Variants in COPG2 observed in about 807,000 individuals in gnomAD.
COPG2 encodes coatomer subunit gamma-2.
A neutral mutation model predicts 46.3 loss-of-function variants in COPG2; 37 were observed. The ratio of observed to expected loss-of-function variants is 0.80; its 90% CI spans 0.61 to 1.05. COPG2 has a LOEUF of 1.05. COPG2 is among the 50% of genes least tolerant of loss of function. The pLI, the probability that COPG2 is intolerant of heterozygous loss-of-function variation, is 0.00. For synonymous variants in COPG2, 159 were observed against 129.7 expected (o/e 1.23, Z -1.53); for missense variants, 427 against 387.8 (o/e 1.10, Z -0.85).
In COPG2 at chr7:130,544,255, A is replaced by G. The variant is rs1793392082; in HGVS notation, c.2149+3419T>C. ...CTTACTTAACTGAAGTTGTGTTTTT[A>G]GTACAGAATGCCAAGTTAATATGGT... On this transcript the variant is annotated intron_variant, in intron 20 of 23. Transcript: ENST00000425248. 2.0e-5 allele frequency among the ~76,000 whole-genome samples: 3 copies of G among 152,250 alleles called. No homozygotes were observed. In the South Asian group the frequency reaches 6.2e-4, roughly 31 times the overall value.
chr7:130,572,381 A>T (rs1793921620), intron 9 of COPG2, among the ~76,000 whole-genome samples: 1 of 152,200 alleles, frequency 6.6e-6, no homozygotes, highest in Non-Finnish European at 1.5e-5. Context: ...AACTGATTAT[A>T]GAAAACATTC....
intron 5 of COPG2, among the ~76,000 whole-genome samples, chr7:130,648,070 A>G (rs955953144): frequency 6.6e-6 from 1 of 152,090 alleles, no homozygotes; most frequent in Non-Finnish European, 1.5e-5. Flanking sequence ...CTGATGACTA[A>G]TAATGTTAAG....
chr7:130,580,102 A>T (rs1167093466), intron 9 of COPG2, among the ~76,000 whole-genome samples: 4 of 151,672 alleles, frequency 2.6e-5, no homozygotes, highest in African/African-American at 9.7e-5. Flanking sequence ...GAAGTAAAGC[A>T]CTCCTCAGCA....
chr7:130,563,365 A>C (rs1793748993), intron 10 of COPG2, 29 bp from the exon 11 acceptor site: 1 of 396,732 alleles, frequency 2.5e-6, no homozygotes, highest in African/African-American at 2.1e-5. Flanking sequence ...AATAATATGT[A>C]ACATTAAGTA....
At chr7:130,562,524 C>T (rs1793736044) in intron 11 of COPG2, among the ~76,000 whole-genome samples, 1 of 152,068 alleles carries the variant, frequency 6.6e-6, no homozygotes, top group South Asian at 2.1e-4. Flanking sequence ...TTTACATTTT[C>T]TATGCTTATT....
At chr7:130,645,407 G>A (rs759431469) in intron 5 of COPG2, 123 of 502,132 alleles carry the variant, frequency 2.4e-4, no homozygotes, top group South Asian at 8.3e-4. Context: ...GGCTCCACCC[G>A]TCGGTGTCCA....
intron 9 of COPG2, among the ~76,000 whole-genome samples, chr7:130,583,646 A>G (rs1794203320): frequency 6.6e-6 from 1 of 150,762 alleles, no homozygotes; most frequent in Non-Finnish European, 1.5e-5. Flanking sequence ...TTCTACTAAA[A>G]TACAAAAAAT....
intron 5 of COPG2, among the ~76,000 whole-genome samples, chr7:130,636,889 C>T (rs966498738): frequency 2.0e-5 from 3 of 152,120 alleles, no homozygotes; most frequent in East Asian, 1.9e-4. Flanking sequence ...TTTAGTGCTC[C>T]TTTCAGGAGC....
intron 9 of COPG2, among the ~76,000 whole-genome samples, chr7:130,568,446 A>G (rs1294017240): frequency 2.0e-5 from 3 of 152,202 alleles, no homozygotes; most frequent in Non-Finnish European, 4.4e-5. Flanking sequence ...TAAAGCAACA[A>G]TAGTTTAAAA....
At chr7:130,639,416 C>A (rs372362169) in intron 5 of COPG2, among the ~76,000 whole-genome samples, 106 of 152,176 alleles carry the variant, frequency 7.0e-4, no homozygotes, top group Admixed American at 1.8e-3. Context: ...TTATCTTTTC[C>A]CTTGAAAATT....
intron 5 of COPG2, among the ~76,000 whole-genome samples, chr7:130,631,436 G>T (rs1253698169): frequency 2.0e-5 from 3 of 152,020 alleles, no homozygotes; most frequent in African/African-American, 7.2e-5. Context: ...GGGATTACAG[G>T]TGTGAGCCAC....
intron 12 of COPG2, among the ~76,000 whole-genome samples, chr7:130,558,120 AG>A (rs1216713244): frequency 7.2e-5 from 11 of 152,250 alleles, no homozygotes; most frequent in African/African-American, 2.2e-4. Flanking sequence ...TCCCGTCTAC[AG>A]AAAAAATTAA....
chr7:130,648,755 C>A (rs1795670444), intron 5 of COPG2, among the ~76,000 whole-genome samples: 1 of 152,192 alleles, frequency 6.6e-6, no homozygotes. Context: ...TCAGTTCCAC[C>A]CTACAGGACT....
At chr7:130,667,147 G>C (rs1796101063) in intron 2 of COPG2, among the ~76,000 whole-genome samples, 1 of 152,036 alleles carries the variant, frequency 6.6e-6, no homozygotes, top group Admixed American at 6.6e-5. Flanking sequence ...AACTTTATGG[G>C]CTATACCAGT....
At chr7:130,616,936 C>T in intron 6 of COPG2, 54 bp downstream of exon 6, 2 of 1,128,834 alleles carry the variant, frequency 1.8e-6, no homozygotes, top group Non-Finnish European at 2.6e-6. Flanking sequence ...TACATGGCCA[C>T]CTGCAGATAA....
chr7:130,668,174 C>T (rs187492463), intron 1 of COPG2, among the ~76,000 whole-genome samples: 1 of 152,140 alleles, frequency 6.6e-6, no homozygotes, highest in East Asian at 1.9e-4. Context: ...AGCCGGTGAC[C>T]CCAGGAAAAC....
At position 130,626,807 on chromosome 7, in the gene COPG2, G is replaced by T. The variant is rs190276314; in HGVS notation, c.324-9742C>A. On this transcript the variant is annotated intron_variant, in intron 5 of 23. Transcript: ENST00000425248. ...CCTTTTTTCTCCTGGAGAAGTGTAT[G>T]TTTGGAACACTGTCCCTTTATGTTG... Among the ~76,000 whole-genome samples the T allele has an allele frequency of 1.8e-4, 28 of 152,214 alleles. 1 individual carries two copies. Among genetic ancestry groups the T allele is most frequent in the Admixed American group, 1.8e-3 (28 of 15,294 alleles).
At chr7:130,582,800 A>G (rs1794179039) in intron 9 of COPG2, among the ~76,000 whole-genome samples, 1 of 151,664 alleles carries the variant, frequency 6.6e-6, no homozygotes, top group African/African-American at 2.4e-5. Flanking sequence ...ACAATGAGAT[A>G]CCATCTCACA....
chr7:130,571,108 G>T (rs567779631), intron 9 of COPG2, among the ~76,000 whole-genome samples: 8 of 151,908 alleles, frequency 5.3e-5, no homozygotes, highest in Non-Finnish European at 7.4e-5. Flanking sequence ...TAGAACACTG[G>T]AAAAACCCTT....
Sources: allele counts gnomAD v4.1 joint callset (sites outside exome capture counted in the v4.1 genomes callset), GRCh38; gene constraint gnomAD v4.1.1; transcripts MANE v1.5; gene names NCBI Gene and HGNC (gene_info 2026-07-23, HGNC 2026-07-21).